The following DLGAP1 variants were observed in gnomAD, a reference collection of about 807,000 sequenced individuals.
The protein encoded by DLGAP1 is DLG associated protein 1, also known as disks large-associated protein 1.
DLGAP1 carries 11 observed loss-of-function variants against 90.8 expected under a neutral mutation model. The ratio of observed to expected loss-of-function variants is 0.12; its 90% CI spans 0.08 to 0.20. The LOEUF (loss-of-function observed/expected upper bound fraction) is 0.20, where lower values mean the gene tolerates loss of function less well. DLGAP1 is among the 10% of genes least tolerant of loss of function. DLGAP1 has a pLI of 1.00. For synonymous variants in DLGAP1, 558 were observed against 540.7 expected (o/e 1.03, Z -0.44); for missense variants, 1,050 against 1,333.8 (o/e 0.79, Z 3.31).
intron 2 of DLGAP1, among the ~76,000 whole-genome samples, chr18:4,074,165 C>T (rs182849354): frequency 3.2e-4 from 48 of 152,124 alleles, no homozygotes; most frequent in South Asian, 1.2e-3. Flanking sequence ...AACTAGGAGG[C>T]GATATAAATG....
chr18:4,432,759 T>C (rs1018441590), intron 1 of DLGAP1, among the ~76,000 whole-genome samples: 2 of 152,138 alleles, frequency 1.3e-5, no homozygotes. Context: ...AACACCTCCC[T>C]ATTGCACTCC....
At chr18:4,104,055 G>A (rs1339309453) in intron 2 of DLGAP1, among the ~76,000 whole-genome samples, 5 of 151,986 alleles carry the variant, frequency 3.3e-5, no homozygotes, top group African/African-American at 9.7e-5. Context: ...AGTTTTGTTA[G>A]CCTTTTCTAA....
chr18:3,594,011 A>G (rs2056427731), intron 7 of DLGAP1: 2 of 51,510 alleles, frequency 3.9e-5, no homozygotes, highest in South Asian at 6.7e-4. Context: ...GTCATTAAAG[A>G]AAAAAAAAAA....
intron 1 of DLGAP1, among the ~76,000 whole-genome samples, chr18:4,422,692 G>A (rs1459171057): frequency 2.0e-5 from 3 of 151,778 alleles, no homozygotes; most frequent in South Asian, 2.1e-4. Context: ...TCCAAACATC[G>A]AAGAAATGTG....
Position 4,097,183 on chromosome 18 carries a change from C to T in DLGAP1, c.-159+53997G>A, listed in dbSNP as rs58361889. 1.5e-3 allele frequency among the ~76,000 whole-genome samples: 225 copies of T among 152,326 alleles called. 8 individuals are homozygous for T. The East Asian group carries it at 0.04, about 27-fold the overall frequency. ...CCTTGGGATTCAAATAATTCTGGTA[C>T]AGGGATCAGGACTTCGTCCCAACCT... On this transcript the variant is annotated intron_variant, in intron 2 of 12. Coordinates refer to ENST00000315677, the MANE Select transcript of DLGAP1 (RefSeq NM_004746.4).
intron 7 of DLGAP1, among the ~76,000 whole-genome samples, chr18:3,587,921 T>TGTAA (rs1275159214): frequency 6.6e-6 from 1 of 152,262 alleles, no homozygotes; most frequent in African/African-American, 2.4e-5. Context: ...ATTTTTAAAA[T>TGTAA]GTAAGTGGAA....
intron 4 of DLGAP1, among the ~76,000 whole-genome samples, chr18:3,837,743 T>C (rs935689954): frequency 7.4e-5 from 11 of 148,796 alleles, no homozygotes; most frequent in East Asian, 2.0e-4. Context: ...AGCCAGCTAT[T>C]TGGGGGGCTA....
At chr18:4,143,384 C>T (rs554107116) in intron 2 of DLGAP1, among the ~76,000 whole-genome samples, 1 of 151,668 alleles carries the variant, frequency 6.6e-6, no homozygotes, top group South Asian at 2.1e-4. Context: ...AACCTCTCTC[C>T]ATGGCCACCA....
At chr18:4,437,034 C>A (rs1351421621) in intron 1 of DLGAP1, among the ~76,000 whole-genome samples, 1 of 152,106 alleles carries the variant, frequency 6.6e-6, no homozygotes, top group Non-Finnish European at 1.5e-5. Flanking sequence ...ATCCATGCTG[C>A]CAGGACTTAG....
At chr18:3,654,697 C>T (rs1026898895) in intron 7 of DLGAP1, 2 of 152,132 alleles carry the variant, frequency 1.3e-5, no homozygotes, top group Admixed American at 6.5e-5. Context: ...TCTCTTATAT[C>T]GTTTTAGGCA....
chr18:4,304,740 G>C (rs1025353038), intron 1 of DLGAP1, among the ~76,000 whole-genome samples: 22 of 152,136 alleles, frequency 1.4e-4, no homozygotes, highest in African/African-American at 5.1e-4. Context: ...AGACCAGCCT[G>C]GCCAACATGG....
chr18:4,000,103 C>A (rs2074151677), intron 3 of DLGAP1, among the ~76,000 whole-genome samples: 1 of 152,232 alleles, frequency 6.6e-6, no homozygotes, highest in Non-Finnish European at 1.5e-5. Context: ...GTGTGAACCA[C>A]TGCACCCAGC....
At chr18:4,423,851 T>TAAA (rs36053501) in intron 1 of DLGAP1, among the ~76,000 whole-genome samples, 7,051 of 120,536 alleles carry the variant, frequency 0.058, 341 homozygotes, top group African/African-American at 0.1. Context: ...CCCAGGAATT[T>TAAA]AAAAAAAAAA....
intron 3 of DLGAP1, among the ~76,000 whole-genome samples, chr18:3,902,939 C>G (rs191941784): frequency 6.6e-6 from 1 of 152,118 alleles, no homozygotes; most frequent in Non-Finnish European, 1.5e-5. Context: ...ATGAAACCTT[C>G]GCTGAGAGTG....
chr18:3,709,379 G>A (rs1470360036), intron 7 of DLGAP1, among the ~76,000 whole-genome samples: 1 of 152,196 alleles, frequency 6.6e-6, no homozygotes, highest in Non-Finnish European at 1.5e-5. Context: ...GTAAACCACA[G>A]AGCAGTATTG....
At chr18:3,822,158 G>A (rs537358073) in intron 4 of DLGAP1, among the ~76,000 whole-genome samples, 6 of 152,234 alleles carry the variant, frequency 3.9e-5, no homozygotes, top group South Asian at 2.1e-4. Context: ...CTGGAAGCCC[G>A]AAATTGGTGG....
intron 7 of DLGAP1, among the ~76,000 whole-genome samples, chr18:3,611,936 T>G (rs543166925): frequency 6.6e-6 from 1 of 152,364 alleles, no homozygotes; most frequent in East Asian, 1.9e-4. Context: ...TGCAGACCCC[T>G]CAACTATATT....
intron 1 of DLGAP1, among the ~76,000 whole-genome samples, chr18:4,317,271 C>A (rs370579736): frequency 6.6e-6 from 1 of 152,132 alleles, no homozygotes; most frequent in Non-Finnish European, 1.5e-5. Context: ...GTTACTGACA[C>A]ATTCACCGGC....
intron 5 of DLGAP1, among the ~76,000 whole-genome samples, chr18:3,785,779 G>C (rs1346383311): frequency 1.3e-5 from 2 of 152,186 alleles, no homozygotes; most frequent in African/African-American, 4.8e-5. Context: ...TGGTTCCCAG[G>C]TGGATAAGAG....
Sources: gnomAD v4.1 joint callset for allele counts (sites outside exome capture counted in the v4.1 genomes callset) on GRCh38, gnomAD v4.1.1 for gene constraint, MANE v1.5 for transcripts, NCBI Gene and HGNC (gene_info 2026-07-23, HGNC 2026-07-21) for gene names.